Variants in TBL1XR1 observed in about 807,000 individuals in gnomAD.
The protein encoded by TBL1XR1 is TBL1X/Y related 1.
In TBL1XR1, 5 loss-of-function variants were observed where a neutral mutation model predicts 66.9. That is an observed-to-expected ratio of 0.07 (90% CI 0.04 to 0.16). The LOEUF is 0.16. Among genes scored for constraint, TBL1XR1 ranks in the 10% least tolerant of loss-of-function variants. The probability of loss-of-function intolerance (pLI) is 1.00; values close to 1 mark genes in which losing one functional copy is unlikely to be tolerated. For missense variants in TBL1XR1, 238 were observed against 623.2 expected, an observed-to-expected ratio of 0.38 and a Z score of 6.58; for synonymous variants, 210 against 206.0, an observed-to-expected ratio of 1.02 and a Z score of -0.17.
rs71304039 is a variant in TBL1XR1 at position 177,020,624 on chromosome 3, G to A, written c.*4874C>T. The A allele has an allele frequency of 6.6e-5, 10 of 152,048 alleles. No individual in the cohort carries two copies. The highest frequency in any genetic ancestry group is 2.4e-4 in the African/African-American group (10 of 41,416). The allele number at this position is 152,048 out of a possible 1,614,324, so 9.4% of individuals were successfully genotyped here. A position where few individuals can be genotyped will look rare whatever the true frequency, so the allele number is the denominator to read the frequency against. On this transcript the variant is annotated 3_prime_UTR_variant, in exon 16 of 16. Transcript: ENST00000457928. ...GTTTATTCTACAATAGAACACTGGA[G>A]AAGTAAAAGCAATTAAAATGTAAAC...
chr3:177,192,616 T>C (rs1736303522), intron 1 of TBL1XR1, among the ~76,000 whole-genome samples: 1 of 152,148 alleles, frequency 6.6e-6, no homozygotes, highest in Non-Finnish European at 1.5e-5. Context: ...TTACTTCAAA[T>C]GGGTTACTTA....
chr3:177,145,933 G>A (rs2108835639), intron 1 of TBL1XR1, among the ~76,000 whole-genome samples: 1 of 152,316 alleles, frequency 6.6e-6, no homozygotes, highest in East Asian at 1.9e-4. Context: ...GATCCCAGGA[G>A]CTCTCCCTCC....
intron 1 of TBL1XR1, among the ~76,000 whole-genome samples, chr3:177,141,802 G>A (rs1057496694): frequency 1.3e-5 from 2 of 152,184 alleles, no homozygotes; most frequent in Non-Finnish European, 2.9e-5. Context: ...AAAGTCGGGA[G>A]CAACCAAAGT....
intron 2 of TBL1XR1, among the ~76,000 whole-genome samples, chr3:177,095,337 G>A (rs1225857693): frequency 2.0e-5 from 3 of 152,072 alleles, no homozygotes; most frequent in Admixed American, 2.0e-4. Flanking sequence ...CAACAGGGTA[G>A]ATTGTCTCAA....
intron 2 of TBL1XR1, chr3:177,087,173 G>A (rs887193222): frequency 1.3e-5 from 2 of 149,544 alleles, no homozygotes; most frequent in African/African-American, 5.0e-5. Context: ...TTGTTCAAGG[G>A]TCAACTATAC....
intron 3 of TBL1XR1, among the ~76,000 whole-genome samples, chr3:177,055,765 C>G (rs968926831): frequency 6.6e-6 from 1 of 152,100 alleles, no homozygotes; most frequent in Non-Finnish European, 1.5e-5. Context: ...TAACCCCTCC[C>G]TGAATAAATT....
At chr3:177,172,216 G>A (rs542466405) in intron 1 of TBL1XR1, among the ~76,000 whole-genome samples, 2 of 141,796 alleles carry the variant, frequency 1.4e-5, no homozygotes, top group South Asian at 4.3e-4. Context: ...AGCCAAGATT[G>A]CGCCACTGCG....
At chr3:177,043,808 ACATTTT>A (rs1230558654) in intron 10 of TBL1XR1, among the ~76,000 whole-genome samples, 1 of 152,112 alleles carries the variant, frequency 6.6e-6, no homozygotes, top group Non-Finnish European at 1.5e-5. Flanking sequence ...TTTTATGATT[ACATTTT>A]CTTCTCCTTT....
At chr3:177,149,798 C>T (rs2108848250) in intron 1 of TBL1XR1, among the ~76,000 whole-genome samples, 1 of 152,278 alleles carries the variant, frequency 6.6e-6, no homozygotes, top group East Asian at 1.9e-4. Context: ...TGGAACACAG[C>T]CGTGCTTATT....
intron 1 of TBL1XR1, among the ~76,000 whole-genome samples, chr3:177,140,282 G>A (rs116224568): frequency 0.068 from 10,412 of 152,096 alleles, 525 homozygotes; most frequent in Admixed American, 0.17. Flanking sequence ...CCTGGGTGAC[G>A]GAGTGAGACT....
At chr3:177,142,230 T>C (rs1729718734) in intron 1 of TBL1XR1, among the ~76,000 whole-genome samples, 1 of 152,160 alleles carries the variant, frequency 6.6e-6, no homozygotes, top group Non-Finnish European at 1.5e-5. Flanking sequence ...GCAATTTTAG[T>C]GGAAGCAGCA....
intron 1 of TBL1XR1, among the ~76,000 whole-genome samples, chr3:177,193,546 T>G (rs1736438832): frequency 6.6e-6 from 1 of 152,186 alleles, no homozygotes; most frequent in African/African-American, 2.4e-5. Flanking sequence ...CTTGACCTCG[T>G]GATCCGCCCG....
rs561574580 is a variant in TBL1XR1 at position 177,066,608 on chromosome 3, T to C, written c.-45-1586A>G. On this transcript the variant is annotated intron_variant, in intron 2 of 15. Coordinates refer to ENST00000457928, the MANE Select transcript of TBL1XR1 (RefSeq NM_024665.7). ...GAAGAGCAGGGAAAAGCACAGACTA[T>C]AAAGAAGCTAGATTGGAGTAAGAGG... Among the ~76,000 whole-genome samples, 5 of 152,242 alleles carry C rather than the reference T, an allele frequency of 3.3e-5. No individual in the cohort carries two copies. In the East Asian group the frequency reaches 7.7e-4, roughly 23 times the overall value.
At chr3:177,199,553 T>C (rs1011453026), upstream of TBL1XR1, among the ~76,000 whole-genome samples, 1 of 152,162 alleles carries the variant, frequency 6.6e-6, no homozygotes, top group Non-Finnish European at 1.5e-5. Flanking sequence ...GCAGTGACTG[T>C]AAAATCAAAC....
intron 10 of TBL1XR1, among the ~76,000 whole-genome samples, chr3:177,042,362 C>G (rs1212416940): frequency 6.6e-6 from 1 of 151,966 alleles, no homozygotes; most frequent in Non-Finnish European, 1.5e-5. Context: ...ACAGGGCAGC[C>G]TGCAAAATGT....
intron 2 of TBL1XR1, among the ~76,000 whole-genome samples, chr3:177,093,442 AC>A (rs1180794947): frequency 6.6e-6 from 1 of 152,174 alleles, no homozygotes; most frequent in Non-Finnish European, 1.5e-5. Flanking sequence ...TCAAAATACT[AC>A]ATCATTCTTC....
At chr3:177,182,226 A>C (rs191671717) in intron 1 of TBL1XR1, among the ~76,000 whole-genome samples, 2 of 152,102 alleles carry the variant, frequency 1.3e-5, no homozygotes. Flanking sequence ...CATCTCTACC[A>C]AAAAACACAA....
At chr3:177,096,341 C>CACACACACACACAT (rs1723485252) in intron 2 of TBL1XR1, among the ~76,000 whole-genome samples, 2 of 152,022 alleles carry the variant, frequency 1.3e-5, no homozygotes, top group African/African-American at 4.8e-5. Flanking sequence ...TACATACACA[C>CACACACACACACAT]ACACACACAC....
intron 2 of TBL1XR1, among the ~76,000 whole-genome samples, chr3:177,093,463 C>T (rs544729488): frequency 3.1e-4 from 47 of 152,082 alleles, no homozygotes; most frequent in Non-Finnish European, 4.7e-4. Context: ...CACAGAAGTA[C>T]AAAAAACAGT....
Sources: allele counts gnomAD v4.1 joint callset (sites outside exome capture counted in the v4.1 genomes callset), GRCh38; gene constraint gnomAD v4.1.1; transcripts MANE v1.5; gene names NCBI Gene and HGNC (gene_info 2026-07-23, HGNC 2026-07-21).